ARHGAP6: variants seen among roughly 807,000 people sequenced by gnomAD.
ARHGAP6 encodes the protein Rho GTPase activating protein 6, also known as rho GTPase-activating protein 6.
A neutral mutation model predicts 55.7 loss-of-function variants in ARHGAP6; 16 were observed. The observed-to-expected ratio is 0.29, with a 90% CI of 0.19 to 0.44. ARHGAP6 has a LOEUF of 0.44. ARHGAP6 is among the 20% of genes least tolerant of loss of function. The pLI is 1.00. For missense variants in ARHGAP6, 698 were observed against 808.9 expected, an observed-to-expected ratio of 0.86 and a Z score of 1.66; for synonymous variants, 382 against 360.9, an observed-to-expected ratio of 1.06 and a Z score of -0.66.
At chrX:11,202,304 C>G (rs1201442916) in intron 2 of ARHGAP6, among the ~76,000 whole-genome samples, 1 of 110,380 alleles carries the variant, frequency 9.1e-6, no homozygotes, top group African/African-American at 3.3e-5. Flanking sequence ...TTTAAAAAGG[C>G]TTCAGAGGTG....
At chrX:11,230,239 CCAGG>C (rs2047108421) in intron 2 of ARHGAP6, among the ~76,000 whole-genome samples, 1 of 111,542 alleles carries the variant, frequency 9.0e-6, no homozygotes, top group Non-Finnish European at 1.9e-5. Flanking sequence ...CACTCTGTCA[CCAGG>C]CTGGAGTGCA....
intron 1 of ARHGAP6, among the ~76,000 whole-genome samples, chrX:11,290,189 A>G (rs1056743309): frequency 3.6e-5 from 4 of 111,859 alleles, no homozygotes; most frequent in African/African-American, 3.2e-5. Flanking sequence ...TGAATTATCC[A>G]TCTTAGCTAT....
At chrX:11,381,693 C>A (rs1055993979) in intron 1 of ARHGAP6, among the ~76,000 whole-genome samples, 1 of 112,147 alleles carries the variant, frequency 8.9e-6, no homozygotes, top group South Asian at 3.7e-4. Context: ...ACATATTTGT[C>A]AGACGTGCGT....
intron 1 of ARHGAP6, among the ~76,000 whole-genome samples, chrX:11,565,836 G>C (rs1053069761): frequency 8.9e-6 from 1 of 111,822 alleles, no homozygotes; most frequent in Non-Finnish European, 1.9e-5. Context: ...GCCAAAGGGG[G>C]TTAACTGGCC....
chrX:11,386,807 G>T (rs766648854), intron 1 of ARHGAP6, among the ~76,000 whole-genome samples: 1 of 112,066 alleles, frequency 8.9e-6, no homozygotes, highest in Non-Finnish European at 1.9e-5. Flanking sequence ...ATAGCAGTAA[G>T]GAAAAAGAAA....
intron 2 of ARHGAP6, among the ~76,000 whole-genome samples, chrX:11,244,712 G>A (rs1046529592): frequency 3.6e-5 from 4 of 112,093 alleles, no homozygotes; most frequent in African/African-American, 1.3e-4. Flanking sequence ...AGAATATAGT[G>A]CAGTCTTGAA....
chrX:11,431,330 T>C (rs1421039463), intron 1 of ARHGAP6, among the ~76,000 whole-genome samples: 1 of 112,777 alleles, frequency 8.9e-6, no homozygotes, highest in Non-Finnish European at 1.9e-5. Flanking sequence ...TTTCCAGAAC[T>C]GAATGCTGCC....
intron 1 of ARHGAP6, among the ~76,000 whole-genome samples, chrX:11,312,550 A>G (rs2048313165): frequency 9.0e-6 from 1 of 110,825 alleles, no homozygotes; most frequent in African/African-American, 3.3e-5. Context: ...TCCCTTATCC[A>G]CTAATGAACT....
At chrX:11,609,861 T>G (rs192377224) in intron 1 of ARHGAP6, among the ~76,000 whole-genome samples, 63 of 111,907 alleles carry the variant, frequency 5.6e-4, no homozygotes, top group Admixed American at 1.0e-3. Context: ...CACTACTAAA[T>G]GGAAGAACCT....
At chrX:11,360,675 G>A (rs1806839602) in intron 1 of ARHGAP6, among the ~76,000 whole-genome samples, 1 of 108,580 alleles carries the variant, frequency 9.2e-6, no homozygotes, top group South Asian at 4.0e-4. Context: ...GGCAGGAGAA[G>A]GAAATAAAGG....
intron 1 of ARHGAP6, among the ~76,000 whole-genome samples, chrX:11,593,127 AC>A (rs1196927491): frequency 7.3e-4 from 82 of 112,344 alleles, no homozygotes; most frequent in African/African-American, 2.2e-3. Flanking sequence ...TCAACTCTGT[AC>A]ATACTTTGAA....
chrX:11,227,783 C>CTTTCTT (rs1200552487), intron 2 of ARHGAP6, among the ~76,000 whole-genome samples: 2 of 108,809 alleles, frequency 1.8e-5, no homozygotes, highest in Non-Finnish European at 3.8e-5. Flanking sequence ...CTTTTAAAAT[C>CTTTCTT]TTTCTTTTTC....
At chrX:11,651,513 A>G (rs1460643406) in intron 1 of ARHGAP6, among the ~76,000 whole-genome samples, 1 of 112,084 alleles carries the variant, frequency 8.9e-6, no homozygotes, top group Admixed American at 9.4e-5. Flanking sequence ...GTGTGTATGT[A>G]CCACATTTTC....
chrX:11,283,176 C>G (rs137898537), intron 1 of ARHGAP6, among the ~76,000 whole-genome samples: 1 of 111,736 alleles, frequency 8.9e-6, no homozygotes, highest in African/African-American at 3.3e-5. Context: ...ATAGTCATAT[C>G]GTGCTCTATG....
At chrX:11,368,733 A>G (rs969201009) in intron 1 of ARHGAP6, among the ~76,000 whole-genome samples, 1 of 111,935 alleles carries the variant, frequency 8.9e-6, no homozygotes, top group Non-Finnish European at 1.9e-5. Context: ...GTTAAGTTCT[A>G]TTGTGTCTTG....
intron 1 of ARHGAP6, among the ~76,000 whole-genome samples, chrX:11,404,591 A>G (rs949553418): frequency 8.9e-6 from 1 of 112,222 alleles, no homozygotes; most frequent in Admixed American, 9.5e-5. Context: ...CCAAAACCTC[A>G]TCTTAAAAAG....
chrX:11,491,108 A>G (rs2147847949), intron 1 of ARHGAP6, among the ~76,000 whole-genome samples: 1 of 112,095 alleles, frequency 8.9e-6, no homozygotes, highest in African/African-American at 3.2e-5. Flanking sequence ...TTGTCTCTAG[A>G]CTTGGAAAAC....
intron 1 of ARHGAP6, among the ~76,000 whole-genome samples, chrX:11,596,932 T>C (rs907774597): frequency 6.2e-5 from 7 of 112,007 alleles, no homozygotes; most frequent in African/African-American, 2.3e-4. Context: ...TGCTATTATT[T>C]TGATATGTAG....
intron 1 of ARHGAP6, among the ~76,000 whole-genome samples, chrX:11,447,130 A>G: frequency 8.9e-6 from 1 of 112,013 alleles, no homozygotes; most frequent in Non-Finnish European, 1.9e-5. Flanking sequence ...ACTTTCTCCA[A>G]GATGAGGGAG....
Sources: gnomAD v4.1 joint callset for allele counts (sites outside exome capture counted in the v4.1 genomes callset) on GRCh38, gnomAD v4.1.1 for gene constraint, MANE v1.5 for transcripts, NCBI Gene and HGNC (gene_info 2026-07-23, HGNC 2026-07-21) for gene names.